Variants in THSD7B observed in about 807,000 individuals in gnomAD.
The protein encoded by THSD7B is thrombospondin type 1 domain containing 7B, also known as thrombospondin type-1 domain-containing protein 7B.
THSD7B carries 138 observed loss-of-function variants against 213.6 expected under a neutral mutation model. That is an observed-to-expected ratio of 0.65 (90% confidence interval 0.56 to 0.74). The LOEUF is 0.74. THSD7B is among the 30% of genes least tolerant of loss of function. The pLI, the probability that THSD7B is intolerant of heterozygous loss-of-function variation, is 0.00. For synonymous variants in THSD7B, 742 were observed against 687.0 expected (o/e 1.08, Z -1.25); for missense variants, 1,931 against 1,991.5 (o/e 0.97, Z 0.58).
intron 2 of THSD7B, among the ~76,000 whole-genome samples, chr2:136,980,914 T>G (rs1215088903): frequency 6.6e-6 from 1 of 152,128 alleles, no homozygotes; most frequent in African/African-American, 2.4e-5. Flanking sequence ...AGCTCCACCT[T>G]GCTTTTCCTC....
intron 14 of THSD7B, among the ~76,000 whole-genome samples, chr2:137,449,785 A>T (rs1049025467): frequency 6.6e-6 from 1 of 152,082 alleles, no homozygotes; most frequent in African/African-American, 2.4e-5. Context: ...AAGGCTTTTC[A>T]CCCAATTAAG....
At chr2:137,259,529 G>T (rs954707687) in intron 10 of THSD7B, among the ~76,000 whole-genome samples, 6 of 152,026 alleles carry the variant, frequency 3.9e-5, no homozygotes, top group African/African-American at 1.4e-4. Flanking sequence ...TTTTTGACGG[G>T]GTTGTTTTTT....
intron 12 of THSD7B, among the ~76,000 whole-genome samples, chr2:137,311,471 T>G (rs1683904389): frequency 6.6e-6 from 1 of 152,122 alleles, no homozygotes; most frequent in Non-Finnish European, 1.5e-5. Flanking sequence ...TTTGACTTCC[T>G]CTTTTCCTAA....
At chr2:137,541,689 A>G (rs1680611965) in intron 15 of THSD7B, among the ~76,000 whole-genome samples, 1 of 151,806 alleles carries the variant, frequency 6.6e-6, no homozygotes, top group Non-Finnish European at 1.5e-5. Flanking sequence ...TGTTCAAAGC[A>G]CTAAAGAAAA....
chr2:136,813,790 T>C (rs1170882440), intron 1 of THSD7B, among the ~76,000 whole-genome samples: 1 of 152,240 alleles, frequency 6.6e-6, no homozygotes, highest in Non-Finnish European at 1.5e-5. Context: ...GTTATTTCTC[T>C]GCTTGTGACT....
intron 15 of THSD7B, among the ~76,000 whole-genome samples, chr2:137,488,849 C>G (rs945083150): frequency 3.3e-5 from 5 of 152,076 alleles, no homozygotes; most frequent in African/African-American, 1.2e-4. Flanking sequence ...TAGGATGAGC[C>G]ACAGAGAGAG....
chr2:137,041,327 G>A (rs1686878118), intron 2 of THSD7B, among the ~76,000 whole-genome samples: 2 of 152,086 alleles, frequency 1.3e-5, no homozygotes, highest in African/African-American at 4.8e-5. Flanking sequence ...AGCATAAGGG[G>A]TGCAGATAAG....
chr2:137,105,589 C>G (rs1228820120), intron 4 of THSD7B, among the ~76,000 whole-genome samples: 1 of 152,070 alleles, frequency 6.6e-6, no homozygotes, highest in Non-Finnish European at 1.5e-5. Context: ...TGAAGGTATT[C>G]AAATAGGAAG....
intron 12 of THSD7B, among the ~76,000 whole-genome samples, chr2:137,379,525 G>A (rs1314578498): frequency 2.6e-5 from 4 of 152,228 alleles, no homozygotes; most frequent in Admixed American, 6.5e-5. Context: ...CAAACTGAGT[G>A]CAGCACAGGG....
intron 15 of THSD7B, chr2:137,479,485 T>C: frequency 2.4e-6 from 1 of 415,862 alleles, no homozygotes; most frequent in Middle Eastern, 3.8e-4. Flanking sequence ...AATGCTCAGG[T>C]TGGAGCAGCA....
At chr2:136,937,963 AC>A (rs1345101109) in intron 2 of THSD7B, among the ~76,000 whole-genome samples, 1 of 152,178 alleles carries the variant, frequency 6.6e-6, no homozygotes, top group East Asian at 1.9e-4. Flanking sequence ...GTATTGAGAC[AC>A]CCTCTGATTC....
At chr2:136,964,177 T>C (rs954180047) in intron 2 of THSD7B, among the ~76,000 whole-genome samples, 3 of 152,222 alleles carry the variant, frequency 2.0e-5, no homozygotes, top group Non-Finnish European at 4.4e-5. Context: ...ATTGTTTCAC[T>C]TTTTATTTTT....
At chr2:136,816,233 TGC>T (rs1196720942) in intron 1 of THSD7B, among the ~76,000 whole-genome samples, 1 of 152,166 alleles carries the variant, frequency 6.6e-6, no homozygotes, top group Admixed American at 6.5e-5. Context: ...AGTGTTTGTT[TGC>T]CCCATTCTTT....
intron 15 of THSD7B, among the ~76,000 whole-genome samples, chr2:137,489,318 G>T (rs1429423185): frequency 6.6e-6 from 1 of 151,922 alleles, no homozygotes; most frequent in African/African-American, 2.4e-5. Flanking sequence ...ACCACTACTT[G>T]GGAGGCTGAG....
At chr2:136,936,002 T>C (rs943971405) in intron 2 of THSD7B, among the ~76,000 whole-genome samples, 3 of 148,606 alleles carry the variant, frequency 2.0e-5, no homozygotes, top group Non-Finnish European at 4.5e-5. Flanking sequence ...TTTAGAAATA[T>C]ATATTTCTAG....
At chr2:137,305,891 T>A (rs754423710) in intron 12 of THSD7B, among the ~76,000 whole-genome samples, 18 of 152,176 alleles carry the variant, frequency 1.2e-4, no homozygotes, top group Non-Finnish European at 2.6e-4. Context: ...GCTCCTAGGC[T>A]ACAAACCTGT....
chr2:137,584,397 C>T (rs1309778467), intron 17 of THSD7B, among the ~76,000 whole-genome samples: 1 of 152,212 alleles, frequency 6.6e-6, no homozygotes, highest in Non-Finnish European at 1.5e-5. Flanking sequence ...TGTGAGAGGA[C>T]ATTCCTGTCT....
chr2:137,667,926 C>G, intron 27 of THSD7B, 65 bp downstream of exon 27: 1 of 1,320,308 alleles, frequency 7.6e-7, no homozygotes, highest in Non-Finnish European at 1.0e-6. Context: ...ATACTTAAAA[C>G]AAGTATCTCA....
chr2:137,350,927 G>C (rs1172538858), intron 12 of THSD7B, among the ~76,000 whole-genome samples: 1 of 151,938 alleles, frequency 6.6e-6, no homozygotes, highest in Non-Finnish European at 1.5e-5. Flanking sequence ...TGTGAGAGTA[G>C]AGCAGGACAC....
Sources: gnomAD v4.1 joint callset for allele counts (sites outside exome capture counted in the v4.1 genomes callset) on GRCh38, gnomAD v4.1.1 for gene constraint, MANE v1.5 for transcripts, NCBI Gene and HGNC (gene_info 2026-07-23, HGNC 2026-07-21) for gene names.